LAMA2: variants seen among roughly 807,000 people sequenced by gnomAD.
LAMA2 encodes laminin subunit alpha 2.
Under a neutral mutation model 364.8 loss-of-function variants are expected in LAMA2, and 269 were observed. The ratio of observed to expected loss-of-function variants is 0.74; its 90% confidence interval spans 0.67 to 0.82. The LOEUF (loss-of-function observed/expected upper bound fraction) is 0.82. Among genes scored for constraint, LAMA2 ranks in the 40% least tolerant of loss-of-function variants. The pLI is 0.00. For missense variants in LAMA2, 3,807 were observed against 3,873.2 expected (o/e 0.98, Z 0.45); for synonymous variants, 1,379 against 1,370.6 (o/e 1.01, Z -0.14).
chr6:128,948,834 C>T (rs1451311997), intron 1 of LAMA2, among the ~76,000 whole-genome samples: 1 of 152,150 alleles, frequency 6.6e-6, no homozygotes, highest in Non-Finnish European at 1.5e-5. Flanking sequence ...TATCTTCTGC[C>T]ATGACTGGAA....
chr6:129,320,755 A>G (rs780691253), intron 28 of LAMA2, 100 bp downstream of exon 28: 40 of 723,012 alleles, frequency 5.5e-5, no homozygotes, highest in Non-Finnish European at 8.8e-5. Context: ...TTCTTAATCT[A>G]TTTTATTTAA....
intron 12 of LAMA2, among the ~76,000 whole-genome samples, chr6:129,218,370 T>TTA (rs1783562031): frequency 6.6e-6 from 1 of 152,130 alleles, no homozygotes; most frequent in South Asian, 2.1e-4. Context: ...TTCAATGAAA[T>TTA]TATATAAATC....
chr6:129,325,700 G>A (rs1465388823), intron 28 of LAMA2, among the ~76,000 whole-genome samples: 1 of 152,082 alleles, frequency 6.6e-6, no homozygotes, highest in Non-Finnish European at 1.5e-5. Flanking sequence ...GAAGTCATCT[G>A]AGTTAACCTA....
At chr6:128,951,795 A>T (rs72983378) in intron 1 of LAMA2, among the ~76,000 whole-genome samples, 10,990 of 152,302 alleles carry the variant, frequency 0.072, 467 homozygotes, top group South Asian at 0.12. Flanking sequence ...GTTTAAAAAA[A>T]ACTTTTCTAC....
Position 129,454,294 on chromosome 6 carries a change from C to A in LAMA2, c.6707+6C>A. 6.2e-7 allele frequency: 1 copy of A among 1,606,150 alleles called. No homozygotes were observed. Among genetic ancestry groups the A allele is most frequent in the African/African-American group, 1.3e-5 (1 of 74,766 alleles). On this transcript the variant is annotated splice_donor_region_variant and intron_variant, in intron 47 of 64. Coordinates refer to ENST00000421865, the MANE Select transcript of LAMA2 (RefSeq NM_000426.4). ...TACCGTATCGTAGCATCAAGGTAAC[C>A]AACTTAATAAAGATTAAGATAATTA...
chr6:128,960,866 C>A (rs1024722251), intron 1 of LAMA2, among the ~76,000 whole-genome samples: 4 of 152,096 alleles, frequency 2.6e-5, no homozygotes, highest in South Asian at 2.1e-4. Context: ...AATATTGACT[C>A]ATTTTTGAAG....
intron 29 of LAMA2, among the ~76,000 whole-genome samples, chr6:129,341,269 G>C (rs1051570483): frequency 1.3e-5 from 2 of 152,158 alleles, no homozygotes; most frequent in African/African-American, 2.4e-5. Flanking sequence ...TGGCGGCTTC[G>C]TGGCTCCAGC....
intron 20 of LAMA2, among the ~76,000 whole-genome samples, chr6:129,295,336 A>T (rs893664705): frequency 1.3e-5 from 2 of 152,162 alleles, no homozygotes; most frequent in Admixed American, 1.3e-4. Context: ...GCTAGTTCTT[A>T]TTACCCCGAG....
chr6:129,123,271 A>C (rs910634105), intron 4 of LAMA2, among the ~76,000 whole-genome samples: 1 of 151,498 alleles, frequency 6.6e-6, no homozygotes, highest in Non-Finnish European at 1.5e-5. Flanking sequence ...GTGCCACTGC[A>C]CTTCAGCCTG....
At chr6:129,461,277 C>A (rs1343531645) in intron 49 of LAMA2, among the ~76,000 whole-genome samples, 1 of 151,992 alleles carries the variant, frequency 6.6e-6, no homozygotes, top group Non-Finnish European at 1.5e-5. Context: ...GCAAAGTACA[C>A]TTCACATTTC....
At chr6:129,085,814 A>G (rs1774349761) in intron 3 of LAMA2, among the ~76,000 whole-genome samples, 2 of 152,192 alleles carry the variant, frequency 1.3e-5, no homozygotes, top group Admixed American at 1.3e-4. Context: ...AGAAAATACA[A>G]GGAGAAGAAT....
intron 32 of LAMA2, among the ~76,000 whole-genome samples, chr6:129,362,856 G>C (rs1196439819): frequency 6.6e-6 from 1 of 152,106 alleles, no homozygotes; most frequent in African/African-American, 2.4e-5. Context: ...TGAACACCTA[G>C]GAACCAGGTG....
intron 3 of LAMA2, among the ~76,000 whole-genome samples, chr6:129,072,752 T>C (rs1358399731): frequency 1.3e-5 from 2 of 152,096 alleles, no homozygotes; most frequent in Non-Finnish European, 2.9e-5. Context: ...TTACCATAAA[T>C]ATGGTAACTT....
intron 4 of LAMA2, among the ~76,000 whole-genome samples, chr6:129,118,903 T>G (rs1041533975): frequency 2.0e-5 from 3 of 152,226 alleles, no homozygotes; most frequent in African/African-American, 7.2e-5. Flanking sequence ...GAACTAAGTC[T>G]GAAAACTTTT....
At chr6:128,998,689 C>G (rs1289186207) in intron 1 of LAMA2, among the ~76,000 whole-genome samples, 2 of 47,500 alleles carry the variant, frequency 4.2e-5, no homozygotes, top group Non-Finnish European at 7.7e-5. Context: ...GCTTTTCAGA[C>G]CGGCTTAAGA....
intron 41 of LAMA2, among the ~76,000 whole-genome samples, chr6:129,431,164 C>T (rs139217643): frequency 3.3e-5 from 5 of 152,038 alleles, no homozygotes; most frequent in African/African-American, 7.2e-5. Context: ...TTCGGGAGAC[C>T]GAGGTGGGCA....
At chr6:129,089,097 C>T (rs943870096) in intron 3 of LAMA2, among the ~76,000 whole-genome samples, 10 of 152,224 alleles carry the variant, frequency 6.6e-5, no homozygotes, top group African/African-American at 1.4e-4. Context: ...AGATCACTCG[C>T]GGTTAGGAGC....
At chr6:129,156,513 T>C (rs1779123410) in intron 8 of LAMA2, among the ~76,000 whole-genome samples, 1 of 150,190 alleles carries the variant, frequency 6.7e-6, no homozygotes, top group Non-Finnish European at 1.5e-5. Context: ...CCTATAGCCA[T>C]CCTTAATTTC....
chr6:129,046,500 A>G (rs941847150), intron 1 of LAMA2, among the ~76,000 whole-genome samples: 10 of 152,200 alleles, frequency 6.6e-5, no homozygotes, highest in Non-Finnish European at 1.5e-5. Context: ...TCACGAGAAC[A>G]GCATGAGAAA....
Sources: allele counts gnomAD v4.1 joint callset (sites outside exome capture counted in the v4.1 genomes callset), GRCh38; gene constraint gnomAD v4.1.1; transcripts MANE v1.5; gene names NCBI Gene and HGNC (gene_info 2026-07-23, HGNC 2026-07-21).